The following GRM3 variants were observed in gnomAD, a reference collection of about 807,000 sequenced individuals.
GRM3 encodes metabotropic glutamate receptor 3.
GRM3 carries 26 observed loss-of-function variants against 70.5 expected under a neutral mutation model. The observed-to-expected ratio is 0.37, with a 90% CI of 0.27 to 0.51. The LOEUF (loss-of-function observed/expected upper bound fraction) is 0.51. GRM3 is among the 20% of genes least tolerant of loss of function. The probability of loss-of-function intolerance (pLI) is 0.93; values close to 1 mark genes in which losing one functional copy is unlikely to be tolerated. For missense variants in GRM3, 859 were observed against 1,123.8 expected (o/e 0.76, Z 3.37); for synonymous variants, 443 against 434.9 (o/e 1.02, Z -0.23).
In GRM3 at chr7:86,660,384, G is replaced by A. The variant is rs1363523998; in HGVS notation, c.-141+15512G>A. Among the ~76,000 whole-genome samples, 3 of 151,940 alleles carry A rather than the reference G, an allele frequency of 2.0e-5. No individual in the cohort carries two copies. In the East Asian group the frequency reaches 5.8e-4, roughly 29 times the overall value. Reference sequence around the variant, plus strand: ...TTGTAATGTAAACTCAATATCTAGAGATAGTTCTTAACACCACATGGGCTC... The same window carrying A: ...TTGTAATGTAAACTCAATATCTAGAAATAGTTCTTAACACCACATGGGCTC... On this transcript the variant is annotated intron_variant, in intron 1 of 5. Transcript: ENST00000361669.
At chr7:86,717,870 A>T (rs758234576) in intron 1 of GRM3, among the ~76,000 whole-genome samples, 20 of 151,958 alleles carry the variant, frequency 1.3e-4, no homozygotes, top group Non-Finnish European at 1.6e-4. Flanking sequence ...AGAAAACATG[A>T]AAAAGTCATT....
intron 1 of GRM3, among the ~76,000 whole-genome samples, chr7:86,696,993 C>A (rs724927): frequency 0.4 from 60,155 of 152,030 alleles, 13,466 homozygotes; most frequent in East Asian, 0.81. Context: ...GGAATATGGA[C>A]GGTAAAAGAT....
rs182399309 is a variant in GRM3 at position 86,783,444 on chromosome 7, A to G, written c.469-2817A>G. On this transcript the variant is annotated intron_variant, in intron 2 of 5. Transcript: ENST00000361669. ...CTTCACCTAGCAGAACTGTTTTTGC[A>G]TATCTAAAATAGAGATAATAATATC... Among the ~76,000 whole-genome samples, 94 of 152,330 alleles carry G rather than the reference A, an allele frequency of 6.2e-4. 1 individual carries two copies. The highest frequency in any genetic ancestry group is 2.2e-3 in the African/African-American group (90 of 41,576).
intron 2 of GRM3, among the ~76,000 whole-genome samples, chr7:86,783,327 G>A (rs1797127346): frequency 6.6e-6 from 1 of 152,200 alleles, no homozygotes; most frequent in African/African-American, 2.4e-5. Context: ...AGGAAGCTGT[G>A]AGGGGATAGC....
At chr7:86,722,901 CAG>C (rs1436084701) in intron 1 of GRM3, among the ~76,000 whole-genome samples, 1 of 152,082 alleles carries the variant, frequency 6.6e-6, no homozygotes, top group African/African-American at 2.4e-5. Context: ...TCTAAGGTCA[CAG>C]AGCTCACTAA....
At chr7:86,646,014 GGTGGGAGGGAGT>G (rs1793461629) in intron 1 of GRM3, among the ~76,000 whole-genome samples, 3 of 66,040 alleles carry the variant, frequency 4.5e-5, no homozygotes, top group African/African-American at 1.4e-4. Flanking sequence ...GGTGGGGGGG[GGTGGGAGGGAGT>G]TTAGGGGGTG....
chr7:86,838,505 G>A (rs943554309), intron 3 of GRM3, among the ~76,000 whole-genome samples: 1 of 152,258 alleles, frequency 6.6e-6, no homozygotes, highest in Admixed American at 6.5e-5. Context: ...TTCTTATCAT[G>A]AAGTCTTTCA....
chr7:86,695,975 A>T (rs1341095484), intron 1 of GRM3, among the ~76,000 whole-genome samples: 1 of 152,338 alleles, frequency 6.6e-6, no homozygotes, highest in African/African-American at 2.4e-5. Context: ...TTACTGATAA[A>T]TAATAAACCA....
intron 1 of GRM3, among the ~76,000 whole-genome samples, chr7:86,711,159 C>G (rs1378309486): frequency 2.0e-5 from 3 of 151,640 alleles, no homozygotes; most frequent in Non-Finnish European, 2.9e-5. Context: ...TTTGTCTTCT[C>G]TAATTTAATT....
At chr7:86,793,944 C>T (rs553289653) in intron 3 of GRM3, among the ~76,000 whole-genome samples, 43 of 152,096 alleles carry the variant, frequency 2.8e-4, no homozygotes, top group South Asian at 8.3e-4. Context: ...TACCACCTTG[C>T]TAGTCAGAAA....
At chr7:86,699,054 A>G (rs997786954) in intron 1 of GRM3, among the ~76,000 whole-genome samples, 1 of 152,062 alleles carries the variant, frequency 6.6e-6, no homozygotes, top group African/African-American at 2.4e-5. Flanking sequence ...AAAACCAGAG[A>G]TTTTAAAGTA....
rs1425396939 is a variant in GRM3, at chr7:86,644,242, A to G, written c.-771A>G. On this transcript the variant is annotated 5_prime_UTR_variant, in exon 1 of 6. Coordinates refer to ENST00000361669, the MANE Select transcript of GRM3 (RefSeq NM_000840.3). ...ATCTACCCTGGCTTTTCGTATAAAAATCCTCTCGTCTAGGTACCCTGGCTC... is the reference window on the plus strand; with the variant it reads ...ATCTACCCTGGCTTTTCGTATAAAAGTCCTCTCGTCTAGGTACCCTGGCTC... 1 of 172,978 alleles carries G rather than the reference A, an allele frequency of 5.8e-6. No individual in the cohort carries two copies. Among genetic ancestry groups the G allele is most frequent in the African/African-American group, 2.4e-5 (1 of 41,566 alleles). 10.7% of individuals were successfully genotyped at this position (172,978 alleles called of 1,614,324 possible).
Position 86,839,237 on chromosome 7 carries a change from G to A in GRM3, c.1723G>A (p.Ala575Thr), listed in dbSNP as rs760648963. 13 of 1,613,662 alleles carry A rather than the reference G, an allele frequency of 8.1e-6. No homozygotes were observed. Among genetic ancestry groups the A allele is most frequent in the African/African-American group, 5.3e-5 (4 of 74,910 alleles). Reference sequence around the variant, plus strand: ...TGAGGACTACATCAGGTGGGAAGACGCCTGGGCCATTGGCCCAGTCACCAT... The same window carrying A: ...TGAGGACTACATCAGGTGGGAAGACACCTGGGCCATTGGCCCAGTCACCAT... ...LPEDYIRWED[A>T]WAIGPVTIAC... The change falls in exon 4 of 6, where the codon GCC (alanine) becomes ACC (threonine). Residue 575 changes from alanine (A) to threonine (T), a missense_variant. By Grantham distance (58) the Ala-to-Thr change is moderately conservative. Transcript: ENST00000361669. This position sits in a 1 kb window ranked among gnomAD's most constrained non-coding sequence, Gnocchi z 4.5.
chr7:86,773,773 G>A (rs1796806893), intron 2 of GRM3, among the ~76,000 whole-genome samples: 1 of 152,038 alleles, frequency 6.6e-6, no homozygotes, highest in Non-Finnish European at 1.5e-5. Context: ...TTGCTTCATT[G>A]TAGAAATTTC....
chr7:86,770,344 A>T (rs1796707249), intron 2 of GRM3, among the ~76,000 whole-genome samples: 2 of 152,100 alleles, frequency 1.3e-5, no homozygotes, highest in African/African-American at 4.8e-5. Context: ...GGACCTTCCT[A>T]TCTCTTTCCC....
intron 1 of GRM3, among the ~76,000 whole-genome samples, chr7:86,750,169 G>T (rs898886887): frequency 7.2e-5 from 11 of 152,042 alleles, no homozygotes; most frequent in Admixed American, 6.6e-4. Context: ...AATATTTATT[G>T]CACACCTAAT....
At chr7:86,793,974 A>G (rs1246589205) in intron 3 of GRM3, among the ~76,000 whole-genome samples, 1 of 152,088 alleles carries the variant, frequency 6.6e-6, no homozygotes, top group Non-Finnish European at 1.5e-5. Flanking sequence ...TAAAAATACT[A>G]TTTCCTTGAT....
At position 86,787,042 on chromosome 7, in the gene GRM3, A is replaced by T; in HGVS notation, c.1250A>T (p.Lys417Met). 1 of 1,613,462 alleles carries T rather than the reference A, an allele frequency of 6.2e-7. No homozygotes were observed. The highest frequency in any genetic ancestry group is 2.2e-5 in the East Asian group (1 of 44,874). Residue 417 changes from lysine (K) to methionine (M), a missense_variant, in exon 3 of 6, where the codon AAG becomes ATG. Coordinates refer to ENST00000361669, the MANE Select transcript of GRM3 (RefSeq NM_000840.3). Reference sequence around the variant, plus strand: ...CGCACCCTCTGTCCCAACACTACCAAGCTTTGTGATGCTATGAAGATCCTG... The same window carrying T: ...CGCACCCTCTGTCCCAACACTACCATGCTTTGTGATGCTATGAAGATCCTG... ...MQRTLCPNTT[K>M]LCDAMKILDG...
chr7:86,755,199 A>T (rs76308163), intron 1 of GRM3, among the ~76,000 whole-genome samples: 1 of 139,480 alleles, frequency 7.2e-6, no homozygotes, highest in Admixed American at 7.0e-5. Context: ...AGTTTCCAGG[A>T]AAAAAAAAAA....
Sources: allele counts gnomAD v4.1 joint callset (sites outside exome capture counted in the v4.1 genomes callset), GRCh38; gene constraint gnomAD v4.1.1; non-coding constraint Gnocchi (gnomAD v3.1); transcripts MANE v1.5; gene names NCBI Gene and HGNC (gene_info 2026-07-23, HGNC 2026-07-21).